SDK1: variants seen among roughly 807,000 people sequenced by gnomAD.
SDK1 encodes sidekick cell adhesion molecule 1, also known as protein sidekick-1.
A neutral mutation model predicts 245.5 loss-of-function variants in SDK1; 157 were observed. The ratio of observed to expected loss-of-function variants is 0.64; its 90% CI spans 0.56 to 0.73. The LOEUF (loss-of-function observed/expected upper bound fraction) is 0.73. SDK1 is among the 30% of genes least tolerant of loss of function. SDK1 has a pLI of 0.00. For synonymous variants in SDK1, 1,647 were observed against 1,278.5 expected (o/e 1.29, Z -6.15); for missense variants, 3,583 against 3,002.3 (o/e 1.19, Z -4.52).
intron 22 of SDK1, among the ~76,000 whole-genome samples, chr7:4,101,492 C>T (rs1456785673): frequency 6.6e-6 from 1 of 152,156 alleles, no homozygotes; most frequent in East Asian, 1.9e-4. Context: ...CAAAATAGTT[C>T]AAGCAAGAGG....
chr7:3,845,010 C>G (rs1301239383), intron 5 of SDK1, among the ~76,000 whole-genome samples: 1 of 152,172 alleles, frequency 6.6e-6, no homozygotes, highest in Non-Finnish European at 1.5e-5. Context: ...AATGGACTAC[C>G]TGAAAAATCT....
intron 1 of SDK1, among the ~76,000 whole-genome samples, chr7:3,452,488 A>C (rs1780545875): frequency 6.6e-6 from 1 of 152,218 alleles, no homozygotes; most frequent in Non-Finnish European, 1.5e-5. Flanking sequence ...GTATGTCAAA[A>C]AAGCAAGAAA....
intron 1 of SDK1, among the ~76,000 whole-genome samples, chr7:3,417,517 A>G (rs1003276851): frequency 1.3e-5 from 2 of 152,180 alleles, no homozygotes; most frequent in Non-Finnish European, 2.9e-5. Context: ...ACACTTAAAT[A>G]GTACCTTCTC....
intron 28 of SDK1, among the ~76,000 whole-genome samples, chr7:4,143,557 G>A (rs1003104791): frequency 1.3e-5 from 2 of 152,182 alleles, no homozygotes; most frequent in Non-Finnish European, 2.9e-5. Context: ...CACAGTGAAT[G>A]ATTGGCAGAG....
At chr7:3,818,378 GTTCT>G (rs1779561212) in intron 4 of SDK1, among the ~76,000 whole-genome samples, 1 of 152,116 alleles carries the variant, frequency 6.6e-6, no homozygotes, top group African/African-American at 2.4e-5. Context: ...ATGCCCCTGT[GTTCT>G]TTTCATTACC....
intron 1 of SDK1, among the ~76,000 whole-genome samples, chr7:3,547,603 A>G (rs1206128849): frequency 2.0e-5 from 3 of 152,262 alleles, no homozygotes; most frequent in Non-Finnish European, 4.4e-5. Flanking sequence ...TCATACTTGA[A>G]AAAGATTGGA....
intron 5 of SDK1, among the ~76,000 whole-genome samples, chr7:3,949,668 A>G (rs1780719620): frequency 6.6e-6 from 1 of 152,212 alleles, no homozygotes; most frequent in Non-Finnish European, 1.5e-5. Context: ...TCTCTAAATA[A>G]ACAGTAGTAA....
intron 4 of SDK1, among the ~76,000 whole-genome samples, chr7:3,756,768 C>G (rs1434611272): frequency 1.3e-5 from 2 of 152,038 alleles, no homozygotes; most frequent in African/African-American, 4.8e-5. Context: ...TGGGTCGTGT[C>G]CCTATATTTG....
At chr7:4,237,195 T>TTTTTG (rs925066304) in intron 41 of SDK1, among the ~76,000 whole-genome samples, 48 of 152,168 alleles carry the variant, frequency 3.2e-4, no homozygotes, top group South Asian at 1.7e-3. Context: ...CCTGGCTGTT[T>TTTTTG]TTTTGTTTTG....
intron 27 of SDK1, among the ~76,000 whole-genome samples, chr7:4,130,959 C>T (rs1000230011): frequency 6.6e-6 from 1 of 152,112 alleles, no homozygotes; most frequent in Non-Finnish European, 1.5e-5. Flanking sequence ...AGCACTCTCT[C>T]CACGTTGCTG....
intron 22 of SDK1, among the ~76,000 whole-genome samples, chr7:4,093,611 G>A (rs1781944541): frequency 1.3e-5 from 2 of 152,214 alleles, no homozygotes; most frequent in South Asian, 4.1e-4. Flanking sequence ...AAAGAGTAGT[G>A]GAGATGGAGC....
intron 1 of SDK1, among the ~76,000 whole-genome samples, chr7:3,471,040 T>C (rs1053638288): frequency 3.9e-5 from 6 of 152,192 alleles, no homozygotes; most frequent in Admixed American, 3.9e-4. Flanking sequence ...CAAGATTCCA[T>C]CAGCATCTGG....
At chr7:4,173,795 T>C (rs1782000405) in intron 32 of SDK1, among the ~76,000 whole-genome samples, 1 of 151,964 alleles carries the variant, frequency 6.6e-6, no homozygotes, top group Non-Finnish European at 1.5e-5. Context: ...AGCCACAGCC[T>C]GGATGGCCAG....
At chr7:3,304,683 C>T (rs1779370960) in intron 1 of SDK1, among the ~76,000 whole-genome samples, 1 of 152,192 alleles carries the variant, frequency 6.6e-6, no homozygotes, top group African/African-American at 2.4e-5. Context: ...CCATGAGCCA[C>T]ATTTGCTTTC....
intron 4 of SDK1, among the ~76,000 whole-genome samples, chr7:3,787,538 TA>T (rs146938150): frequency 1.7e-4 from 25 of 149,774 alleles, no homozygotes; most frequent in Admixed American, 4.0e-4. Context: ...TGGCATTGGT[TA>T]AAAAAAAAAT....
intron 30 of SDK1, among the ~76,000 whole-genome samples, chr7:4,150,687 A>G (rs1473553758): frequency 1.3e-5 from 2 of 152,252 alleles, no homozygotes; most frequent in Non-Finnish European, 2.9e-5. Flanking sequence ...GCAGCTCCTC[A>G]GAACACCACC....
At chr7:3,718,927 G>A (rs1785281675) in intron 4 of SDK1, among the ~76,000 whole-genome samples, 2 of 152,206 alleles carry the variant, frequency 1.3e-5, no homozygotes, top group Admixed American at 1.3e-4. Context: ...CAGCAAGCTT[G>A]CAGTATACAA....
At chr7:3,416,788 C>A (rs147633669) in intron 1 of SDK1, among the ~76,000 whole-genome samples, 1 of 152,094 alleles carries the variant, frequency 6.6e-6, no homozygotes, top group Admixed American at 6.5e-5. Context: ...CGAATAAAGC[C>A]CATGTTCTGA....
rs541867301 is a variant in SDK1 at position 3,484,153 on chromosome 7, C to T, written c.299-134927C>T. 1.8e-4 allele frequency among the ~76,000 whole-genome samples: 28 copies of T among 152,258 alleles called. No homozygotes were observed. In the East Asian group the frequency reaches 2.5e-3, roughly 14 times the overall value. On this transcript the variant is annotated intron_variant, in intron 1 of 44. Transcript: ENST00000404826. ...CCAGGGTCCCCTGTATAACCAAAAT[C>T]GAAGCATGCTCCAGTCCACAGGTGG...
Sources: allele counts gnomAD v4.1 joint callset (sites outside exome capture counted in the v4.1 genomes callset), GRCh38; gene constraint gnomAD v4.1.1; transcripts MANE v1.5; gene names NCBI Gene and HGNC (gene_info 2026-07-23, HGNC 2026-07-21).